Variants in FAM110B observed in about 807,000 individuals in gnomAD.
FAM110B encodes the protein protein FAM110B.
A neutral mutation model predicts 20.4 loss-of-function variants in FAM110B; 6 were observed. The observed-to-expected ratio is 0.29, with a 90% confidence interval of 0.16 to 0.58. FAM110B has a LOEUF of 0.58. FAM110B is among the 20% of genes least tolerant of loss of function. FAM110B has a pLI of 0.90. For synonymous variants in FAM110B, 226 were observed against 214.1 expected (o/e 1.06, Z -0.49); for missense variants, 434 against 498.2 (o/e 0.87, Z 1.23).
At chr8:58,054,523 A>C (rs1805514269) in intron 2 of FAM110B, among the ~76,000 whole-genome samples, 1 of 152,226 alleles carries the variant, frequency 6.6e-6, no homozygotes, top group Non-Finnish European at 1.5e-5. Flanking sequence ...AGCTGGGTGT[A>C]ATTTGCTATA....
At chr8:58,125,023 T>C (rs1807461163) in intron 3 of FAM110B, among the ~76,000 whole-genome samples, 1 of 152,206 alleles carries the variant, frequency 6.6e-6, no homozygotes, top group South Asian at 2.1e-4. Flanking sequence ...TCTAGAATTG[T>C]TCTGCTTAGA....
rs565076056 is a variant in FAM110B at position 58,133,734 on chromosome 8, C to T, written c.-324-12173C>T. The stretch of plus-strand genomic sequence containing the variant: ...AGCCTGTGGTCACAGACCCACATCC[C>T]CCTGACACCAGTCTCTCCTCTCCCT... On this transcript the variant is annotated intron_variant, in intron 3 of 3. Transcript: ENST00000519262. 3.9e-5 allele frequency among the ~76,000 whole-genome samples: 6 copies of T among 152,254 alleles called. No individual in the cohort carries two copies. The South Asian group carries it at 8.3e-4, about 21-fold the overall frequency.
chr8:58,098,192 C>T (rs1474125633), intron 3 of FAM110B, among the ~76,000 whole-genome samples: 1 of 152,226 alleles, frequency 6.6e-6, no homozygotes, highest in African/African-American at 2.4e-5. Context: ...GGAGTTTTAT[C>T]TGTAAGCCCC....
chr8:58,057,731 T>C (rs891530299), intron 2 of FAM110B, among the ~76,000 whole-genome samples: 1 of 152,246 alleles, frequency 6.6e-6, no homozygotes, highest in Admixed American at 6.5e-5. Context: ...AGGTTAGTTA[T>C]CTCTCCATCA....
chr8:58,129,138 GAAA>G (rs1381837649), intron 3 of FAM110B, among the ~76,000 whole-genome samples: 3 of 152,128 alleles, frequency 2.0e-5, no homozygotes, highest in Non-Finnish European at 4.4e-5. Flanking sequence ...TAGTCAATAA[GAAA>G]GAAGAATGTC....
intron 3 of FAM110B, chr8:58,106,064 A>G (rs751661208): frequency 2.0e-5 from 3 of 152,194 alleles, no homozygotes; most frequent in Non-Finnish European, 4.4e-5. Context: ...ATTCCATCCA[A>G]TCACTACTTT....
At chr8:58,011,635 G>C (rs7009526) in intron 1 of FAM110B, among the ~76,000 whole-genome samples, 34,146 of 152,030 alleles carry the variant, frequency 0.22, 6,088 homozygotes, top group African/African-American at 0.49. Flanking sequence ...TAAAACCTGA[G>C]CAGTCCTCCC....
intron 1 of FAM110B, among the ~76,000 whole-genome samples, chr8:58,020,014 A>G (rs1395777055): frequency 6.6e-6 from 1 of 150,876 alleles, no homozygotes; most frequent in Non-Finnish European, 1.5e-5. Flanking sequence ...ATTTTTTTCC[A>G]GTTGCTTTTC....
chr8:58,104,421 A>G (rs1806860031), intron 3 of FAM110B, among the ~76,000 whole-genome samples: 1 of 152,228 alleles, frequency 6.6e-6, no homozygotes, highest in Non-Finnish European at 1.5e-5. Flanking sequence ...TGCTTGCTCA[A>G]TCTCTTTGTA....
chr8:58,049,044 A>G (rs1466860264), intron 2 of FAM110B, among the ~76,000 whole-genome samples: 2 of 152,208 alleles, frequency 1.3e-5, no homozygotes, highest in Non-Finnish European at 2.9e-5. Context: ...TTTTTTCTTA[A>G]ACTATAATGG....
chr8:58,061,410 T>C (rs1376028085), intron 2 of FAM110B, among the ~76,000 whole-genome samples: 1 of 151,656 alleles, frequency 6.6e-6, no homozygotes, highest in African/African-American at 2.4e-5. Flanking sequence ...GACTCAGACT[T>C]TATGATAAAA....
intron 3 of FAM110B, among the ~76,000 whole-genome samples, chr8:58,126,176 T>G (rs1277997471): frequency 6.6e-6 from 1 of 152,254 alleles, no homozygotes; most frequent in Non-Finnish European, 1.5e-5. Context: ...ACATTGGCTT[T>G]TTTTCATGCA....
At chr8:58,006,901 G>GTGTATATATATATA in intron 1 of FAM110B, among the ~76,000 whole-genome samples, 1 of 97,496 alleles carries the variant, frequency 1.0e-5, no homozygotes, top group Non-Finnish European at 2.2e-5. Context: ...GGCTTAATTG[G>GTGTATATATATATA]TATATATATA....
In FAM110B at chr8:58,148,063, T is replaced by A; in HGVS notation, c.*720T>A. ...TTTGGGGGTTTTGTTGATGTTGTTCTGATTGGGATAATTCAGAAATTCCTA... is the reference window on the plus strand; with the variant it reads ...TTTGGGGGTTTTGTTGATGTTGTTCAGATTGGGATAATTCAGAAATTCCTA... On this transcript the variant is annotated 3_prime_UTR_variant, in exon 4 of 4. Coordinates refer to ENST00000519262, the MANE Select transcript of FAM110B (RefSeq NM_001377989.1). The A allele has an allele frequency of 6.0e-6, 1 of 166,896 alleles. No individual in the cohort carries two copies. The allele number at this position is 166,896 out of a possible 1,614,324, so 10.3% of individuals were successfully genotyped here. A position where few individuals can be genotyped will look rare whatever the true frequency, so the allele number is the denominator to read the frequency against.
At chr8:58,022,368 T>C (rs567472738) in intron 1 of FAM110B, among the ~76,000 whole-genome samples, 1 of 152,262 alleles carries the variant, frequency 6.6e-6, no homozygotes, top group South Asian at 2.1e-4. Flanking sequence ...TTCCAGGGGC[T>C]GTAGGCAGGA....
intron 1 of FAM110B, among the ~76,000 whole-genome samples, chr8:58,011,189 C>CTA (rs1804525986): frequency 6.6e-6 from 1 of 152,132 alleles, no homozygotes; most frequent in Non-Finnish European, 1.5e-5. Flanking sequence ...AAGAAAGACC[C>CTA]TAAGGTTAAA....
rs1218928877 is a variant in FAM110B at position 58,134,166 on chromosome 8, GT to G, written c.-324-11739del. 7.2e-5 allele frequency among the ~76,000 whole-genome samples: 11 copies of G among 152,342 alleles called. No homozygotes were observed. The East Asian group carries it at 2.1e-3, about 29-fold the overall frequency. On this transcript the variant is annotated intron_variant, in intron 3 of 3. Transcript: ENST00000519262. ...AGAATATACTTAAGGCAAAGAACTAGTTGTTCTAACAACTGCTATACAAAGA... is the reference window on the plus strand; with the variant it reads ...AGAATATACTTAAGGCAAAGAACTAGTGTTCTAACAACTGCTATACAAAGA...
chr8:58,136,070 G>T (rs922620351), intron 3 of FAM110B, among the ~76,000 whole-genome samples: 1 of 135,266 alleles, frequency 7.4e-6, no homozygotes, highest in Admixed American at 8.0e-5. Context: ...GAAGTTCAGT[G>T]ATGTGATCTC....
intron 1 of FAM110B, among the ~76,000 whole-genome samples, chr8:58,022,940 G>T (rs1426972503): frequency 6.6e-6 from 1 of 152,198 alleles, no homozygotes; most frequent in Admixed American, 6.5e-5. Flanking sequence ...CCAGCAGCCT[G>T]TGTGTCTTTC....
Sources: allele counts gnomAD v4.1 joint callset (sites outside exome capture counted in the v4.1 genomes callset), GRCh38; gene constraint gnomAD v4.1.1; transcripts MANE v1.5; gene names NCBI Gene and HGNC (gene_info 2026-07-23, HGNC 2026-07-21).